The following LRRFIP1 variants were observed in gnomAD, a reference collection of about 807,000 sequenced individuals.
LRRFIP1 encodes LRR binding FLII interacting protein 1, also known as leucine-rich repeat flightless-interacting protein 1.
A neutral mutation model predicts 104.4 loss-of-function variants in LRRFIP1; 62 were observed. That is an observed-to-expected ratio of 0.59 (90% CI 0.48 to 0.73). The LOEUF (loss-of-function observed/expected upper bound fraction) is 0.73, where lower values mean the gene tolerates loss of function less well. LRRFIP1 is among the 30% of genes least tolerant of loss of function. LRRFIP1 has a pLI of 0.00. For missense variants in LRRFIP1, 796 were observed against 824.5 expected (o/e 0.97, Z 0.42); for synonymous variants, 300 against 299.0 (o/e 1.00, Z -0.03).
In LRRFIP1 at chr2:237,717,934, A is replaced by G. The variant is rs1575774753; in HGVS notation, c.249+125A>G. 4.9e-6 allele frequency: 4 copies of G among 814,252 alleles called. No individual in the cohort carries two copies. The highest frequency in any genetic ancestry group is 1.4e-5 in the South Asian group (1 of 72,628). 50.4% of individuals were successfully genotyped at this position (814,252 alleles called of 1,614,324 possible). A position where few individuals can be genotyped will look rare whatever the true frequency, so the allele number is the denominator to read the frequency against. On this transcript the variant is annotated intron_variant, in intron 4 of 23. Transcript: ENST00000308482. The surrounding 1 kb of genome is among the most constrained non-coding windows in gnomAD (Gnocchi z 4.2). ...TATGTAGATAGATTCCTATTGCACC[A>G]TAATTTAATACTGAGAGATTTTCTT...
At chr2:237,643,821 A>G (rs371278064) in intron 1 of LRRFIP1, among the ~76,000 whole-genome samples, 1 of 152,256 alleles carries the variant, frequency 6.6e-6, no homozygotes, top group South Asian at 2.1e-4. Flanking sequence ...TCAAACTAGA[A>G]CAAGATTTGA....
intron 22 of LRRFIP1, 107 bp downstream of exon 22, chr2:237,773,052 A>G: frequency 2.4e-6 from 2 of 830,580 alleles, no homozygotes; most frequent in East Asian, 5.0e-5. Context: ...TTTTAGAACC[A>G]AGAAATGTCC....
chr2:237,742,930 C>T (rs1257205529), intron 11 of LRRFIP1, among the ~76,000 whole-genome samples: 1 of 152,132 alleles, frequency 6.6e-6, no homozygotes, highest in Non-Finnish European at 1.5e-5. Flanking sequence ...GCTCTCATTC[C>T]TGGCTTGGGA....
chr2:237,630,484 C>T (rs1057347631), intron 1 of LRRFIP1, among the ~76,000 whole-genome samples: 5 of 152,098 alleles, frequency 3.3e-5, no homozygotes, highest in East Asian at 3.9e-4. Context: ...TAATGCTAAC[C>T]GAAGACAGGA....
In LRRFIP1 at chr2:237,779,579, T is replaced by C; in HGVS notation, c.*47T>C. 6.7e-7 allele frequency: 1 copy of C among 1,488,908 alleles called. No individual in the cohort carries two copies. The highest frequency in any genetic ancestry group is 9.4e-7 in the Non-Finnish European group (1 of 1,069,418). The allele number at this position is 1,488,908 out of a possible 1,614,324, so 92.2% of individuals were successfully genotyped here. A position where few individuals can be genotyped will look rare whatever the true frequency, so the allele number is the denominator to read the frequency against. The stretch of plus-strand genomic sequence containing the variant: ...CTGGTTGGTGACTGGAGAGCATTGT[T>C]TCATAGGCTTTTCTCTGTCCTATCT... On this transcript the variant is annotated 3_prime_UTR_variant, in exon 24 of 24. Coordinates refer to ENST00000308482, the MANE Select transcript of LRRFIP1 (RefSeq NM_001137550.2).
At chr2:237,692,483 C>T (rs976787131) in intron 1 of LRRFIP1, 5 of 1,533,314 alleles carry the variant, frequency 3.3e-6, no homozygotes, top group Non-Finnish European at 4.4e-6. Flanking sequence ...CGCTCAAAGC[C>T]GGGAGATCGA....
intron 23 of LRRFIP1, among the ~76,000 whole-genome samples, chr2:237,775,832 G>T (rs980025792): frequency 6.6e-6 from 1 of 151,628 alleles, no homozygotes; most frequent in African/African-American, 2.4e-5. Context: ...GAGTGAGACC[G>T]TTTTTCATTA....
chr2:237,755,797 G>A (rs1244040051), intron 15 of LRRFIP1, among the ~76,000 whole-genome samples: 1 of 152,176 alleles, frequency 6.6e-6, no homozygotes, highest in Non-Finnish European at 1.5e-5. Flanking sequence ...AGCCGGGCAT[G>A]GAGGCAGGCG....
At chr2:237,722,676 T>C (rs76825407) in intron 6 of LRRFIP1, among the ~76,000 whole-genome samples, 1,715 of 152,316 alleles carry the variant, frequency 0.011, 26 homozygotes, top group African/African-American at 0.038. Flanking sequence ...TGAAGAAATA[T>C]ATTCCTCAGA....
At position 237,745,623 on chromosome 2, in the gene LRRFIP1, C is replaced by T. The variant is rs928211260; in HGVS notation, c.634-2741C>T. ...CCCCAAAATCAAGGTTTGTGGACCC[C>T]GTGTGTTTTCTTTCTCAGCTTTCTT... On this transcript the variant is annotated intron_variant, in intron 11 of 23. Coordinates refer to ENST00000308482, the MANE Select transcript of LRRFIP1 (RefSeq NM_001137550.2). 3.3e-5 allele frequency among the ~76,000 whole-genome samples: 5 copies of T among 152,098 alleles called. No homozygotes were observed. In the South Asian group the frequency reaches 6.2e-4, roughly 19 times the overall value.
intron 11 of LRRFIP1, among the ~76,000 whole-genome samples, chr2:237,741,329 A>G (rs1035439710): frequency 6.6e-6 from 1 of 152,250 alleles, no homozygotes; most frequent in Admixed American, 6.5e-5. Flanking sequence ...AAGGAATTTC[A>G]GATCACAGAC....
chr2:237,668,040 AC>A (rs1359621554), intron 1 of LRRFIP1, among the ~76,000 whole-genome samples: 8 of 150,002 alleles, frequency 5.3e-5, no homozygotes, highest in East Asian at 2.0e-4. Context: ...ACAACTTGAC[AC>A]CCCCCTTTCC....
At chr2:237,763,059 C>G in intron 19 of LRRFIP1, 1 of 1,614,192 alleles carries the variant, frequency 6.2e-7, no homozygotes, top group Non-Finnish European at 8.5e-7. Context: ...AGTGATGACA[C>G]AGTTTATCAT....
chr2:237,775,716 T>G (rs1296511368), intron 23 of LRRFIP1, among the ~76,000 whole-genome samples: 3 of 152,066 alleles, frequency 2.0e-5, no homozygotes. Flanking sequence ...CCCGTGCCTG[T>G]AGTCTCAGCT....
Position 237,753,359 on chromosome 2 carries a change from T to C in LRRFIP1, c.918T>C (p.Asn306=). ...AATATAAGAAGGCTATGGTTTCCAATGCTCAGCTAGACAATGAAAAGACAA... is the reference window on the plus strand; with the variant it reads ...AATATAAGAAGGCTATGGTTTCCAACGCTCAGCTAGACAATGAAAAGACAA... ...EEKYKKAMVS[N]AQLDNEKTNF... The change falls in exon 15 of 24, where the codon AAT becomes AAC. Residue 306 remains asparagine (N), a synonymous_variant. Coordinates refer to ENST00000308482, the MANE Select transcript of LRRFIP1 (RefSeq NM_001137550.2). The C allele has an allele frequency of 6.2e-7, 1 of 1,604,632 alleles. No individual in the cohort carries two copies. The highest frequency in any genetic ancestry group is 8.5e-7 in the Non-Finnish European group (1 of 1,177,918).
chr2:237,704,354 A>G (rs987125739), intron 1 of LRRFIP1, among the ~76,000 whole-genome samples: 3 of 151,932 alleles, frequency 2.0e-5, no homozygotes, highest in Non-Finnish European at 4.4e-5. Flanking sequence ...GGGTTTCACC[A>G]TGTTGGCCAG....
At chr2:237,726,460 A>G (rs1339073598) in intron 7 of LRRFIP1, among the ~76,000 whole-genome samples, 5 of 152,192 alleles carry the variant, frequency 3.3e-5, no homozygotes, top group African/African-American at 1.2e-4. Flanking sequence ...GGCCCCTTCC[A>G]TGTGGATTCA....
At chr2:237,743,048 G>A (rs1395075487) in intron 11 of LRRFIP1, among the ~76,000 whole-genome samples, 3 of 151,976 alleles carry the variant, frequency 2.0e-5, no homozygotes, top group African/African-American at 4.8e-5. Flanking sequence ...AAAAACATAT[G>A]GTTACTTTAT....
intron 1 of LRRFIP1, among the ~76,000 whole-genome samples, chr2:237,689,832 C>T (rs1018939072): frequency 2.6e-5 from 4 of 152,190 alleles, no homozygotes; most frequent in Admixed American, 1.3e-4. Flanking sequence ...TACTGGACTC[C>T]CAGGACACTA....
Sources: gnomAD v4.1 joint callset for allele counts (sites outside exome capture counted in the v4.1 genomes callset) on GRCh38, gnomAD v4.1.1 for gene constraint, Gnocchi (gnomAD v3.1) non-coding constraint, MANE v1.5 for transcripts, NCBI Gene and HGNC (gene_info 2026-07-23, HGNC 2026-07-21) for gene names.